APIP: variants seen among roughly 807,000 people sequenced by gnomAD.
The protein encoded by APIP is APAF1 interacting protein.
In APIP, 32 loss-of-function variants were observed where a neutral mutation model predicts 32.0. That is an observed-to-expected ratio of 1.00 (90% CI 0.76 to 1.34). The LOEUF (loss-of-function observed/expected upper bound fraction) is 1.34, where lower values mean the gene tolerates loss of function less well. Among genes scored for constraint, APIP ranks in the 40% most tolerant of loss-of-function variants. The pLI, the probability that APIP is intolerant of heterozygous loss-of-function variation, is 0.00. For synonymous variants in APIP, 92 were observed against 94.8 expected (o/e 0.97, Z 0.17); for missense variants, 247 against 298.6 (o/e 0.83, Z 1.27).
At chr11:34,889,069 A>G (rs570694169) in intron 3 of APIP, among the ~76,000 whole-genome samples, 200 bp from the exon 4 acceptor site, 8 of 152,196 alleles carry the variant, frequency 5.3e-5, no homozygotes, top group Admixed American at 2.0e-4. Flanking sequence ...ATATAATTAT[A>G]GTTTCTCAAA....
At chr11:34,892,226 T>C (rs1306704616) in intron 2 of APIP, among the ~76,000 whole-genome samples, 1 of 152,196 alleles carries the variant, frequency 6.6e-6, no homozygotes, top group African/African-American at 2.4e-5. Context: ...CAGAGCTTTT[T>C]AGAATAGAAA....
chr11:34,908,658 T>C (rs999309337), intron 1 of APIP, among the ~76,000 whole-genome samples: 2 of 152,250 alleles, frequency 1.3e-5, no homozygotes, highest in African/African-American at 4.8e-5. Context: ...ATCAGTCTCC[T>C]TCTATTAATA....
chr11:34,913,360 T>C (rs1443142272), intron 1 of APIP, among the ~76,000 whole-genome samples: 2 of 152,128 alleles, frequency 1.3e-5, no homozygotes, highest in African/African-American at 4.8e-5. Flanking sequence ...TTGCGGTGAG[T>C]GTTACAGTTC....
intron 3 of APIP, among the ~76,000 whole-genome samples, chr11:34,889,774 T>A (rs1853155571): frequency 6.6e-6 from 1 of 152,124 alleles, no homozygotes; most frequent in African/African-American, 2.4e-5. Context: ...CTTAGGATAA[T>A]GGTTTCCAGC....
Position 34,883,646 on chromosome 11 carries a change from G to A in APIP, c.462-142C>T, listed in dbSNP as rs571619792. 6.0e-5 allele frequency: 45 copies of A among 747,172 alleles called. No homozygotes were observed. In the African/African-American group the frequency reaches 6.4e-4, roughly 11 times the overall value. The allele number at this position is 747,172 out of a possible 1,614,324, so 46.3% of individuals were successfully genotyped here. On this transcript the variant is annotated intron_variant, in intron 5 of 6. Coordinates refer to ENST00000395787, the MANE Select transcript of APIP (RefSeq NM_015957.4). ...CTCCAAATTATGAACAGGATGTTGC[G>A]TGTTATTCTGTGTACCTTGTATAAA...
At chr11:34,890,987 T>G (rs1351931793) in intron 2 of APIP, among the ~76,000 whole-genome samples, 2 of 152,142 alleles carry the variant, frequency 1.3e-5, no homozygotes, top group African/African-American at 4.8e-5. Context: ...GAATCAGGTT[T>G]GATTTATTGT....
At chr11:34,895,172 G>T in intron 1 of APIP, 62 bp from the exon 2 acceptor site, 1 of 1,408,792 alleles carries the variant, frequency 7.1e-7, no homozygotes, top group Non-Finnish European at 1.0e-6. Flanking sequence ...TATTCCAGCT[G>T]GTGTTTCTAA....
chr11:34,900,392 C>T (rs1454346573), intron 1 of APIP, among the ~76,000 whole-genome samples: 2 of 152,098 alleles, frequency 1.3e-5, no homozygotes, highest in Admixed American at 6.5e-5. Context: ...CCCCATTTCA[C>T]TCTTACTGCT....
chr11:34,907,176 A>G (rs976153706), intron 1 of APIP, among the ~76,000 whole-genome samples: 1 of 152,172 alleles, frequency 6.6e-6, no homozygotes, highest in Middle Eastern at 3.2e-3. Flanking sequence ...CTATGTTGGT[A>G]TTTCTTATAT....
At chr11:34,891,764 A>G (rs1040879180) in intron 2 of APIP, among the ~76,000 whole-genome samples, 5 of 152,214 alleles carry the variant, frequency 3.3e-5, no homozygotes, top group Non-Finnish European at 7.4e-5. Flanking sequence ...GTTCTGCAAC[A>G]TAAGGATAAC....
chr11:34,912,624 T>A (rs966532937), intron 1 of APIP, among the ~76,000 whole-genome samples: 1 of 152,310 alleles, frequency 6.6e-6, no homozygotes, highest in Non-Finnish European at 1.5e-5. Context: ...GCTGCCAGCA[T>A]GGCTAGAATA....
At chr11:34,896,439 G>C (rs1853272717) in intron 1 of APIP, among the ~76,000 whole-genome samples, 2 of 152,144 alleles carry the variant, frequency 1.3e-5, no homozygotes, top group Non-Finnish European at 2.9e-5. Flanking sequence ...GGATGAAGCT[G>C]GAAACCATCA....
chr11:34,890,581 T>C (rs1853171175), intron 2 of APIP, 29 bp from the exon 3 acceptor site: 1 of 1,606,918 alleles, frequency 6.2e-7, no homozygotes, highest in Non-Finnish European at 8.5e-7. Flanking sequence ...CAAATTGGTA[T>C]TTATTTATTT....
intron 5 of APIP, among the ~76,000 whole-genome samples, chr11:34,887,159 G>A (rs1318905790): frequency 1.3e-5 from 2 of 151,702 alleles, no homozygotes; most frequent in Non-Finnish European, 2.9e-5. Context: ...CAACAGAATT[G>A]CAAAGGGCCA....
chr11:34,914,303 A>G (rs1853613351), intron 1 of APIP, among the ~76,000 whole-genome samples: 1 of 152,246 alleles, frequency 6.6e-6, no homozygotes, highest in Non-Finnish European at 1.5e-5. Context: ...GCTTGCACTT[A>G]TAAATCCACA....
At chr11:34,884,838 A>G (rs1853034590) in intron 5 of APIP, among the ~76,000 whole-genome samples, 2 of 152,118 alleles carry the variant, frequency 1.3e-5, no homozygotes, top group African/African-American at 2.4e-5. Flanking sequence ...CATGCACTCA[A>G]TAGTCAGAAA....
rs766285430 is a variant in APIP at position 34,882,675 on chromosome 11, C to T, written c.*42G>A. 1.6e-5 allele frequency: 22 copies of T among 1,369,766 alleles called. No homozygotes were observed. Among genetic ancestry groups the T allele is most frequent in the African/African-American group, 1.5e-4 (10 of 67,660 alleles). 84.9% of individuals were successfully genotyped at this position (1,369,766 alleles called of 1,614,324 possible). ...ATAGCTTTCATTTAAATAATAATTA[C>T]GTTTAGCTTTATCTCTGTATATAAT... is the stretch of plus-strand genomic sequence containing the variant. On this transcript the variant is annotated 3_prime_UTR_variant, in exon 7 of 7. Coordinates refer to ENST00000395787, the MANE Select transcript of APIP (RefSeq NM_015957.4).
chr11:34,903,331 C>G (rs1853396424), intron 1 of APIP, among the ~76,000 whole-genome samples: 1 of 152,234 alleles, frequency 6.6e-6, no homozygotes, highest in South Asian at 2.1e-4. Flanking sequence ...AATGGTCACT[C>G]TAAATGACGT....
chr11:34,883,200 T>C (rs552847542), intron 6 of APIP, 137 bp downstream of exon 6: 48 of 949,444 alleles, frequency 5.1e-5, no homozygotes, highest in Non-Finnish European at 6.8e-5. Flanking sequence ...TACTTCTTCA[T>C]GAATGGATAC....
Sources: allele counts gnomAD v4.1 joint callset (sites outside exome capture counted in the v4.1 genomes callset), GRCh38; gene constraint gnomAD v4.1.1; transcripts MANE v1.5; gene names NCBI Gene and HGNC (gene_info 2026-07-23, HGNC 2026-07-21).